NRROS: variants seen among roughly 807,000 people sequenced by gnomAD.
NRROS encodes the protein transforming growth factor beta activator LRRC33.
A neutral mutation model predicts 12.0 loss-of-function variants in NRROS; 6 were observed. The ratio of observed to expected loss-of-function variants is 0.50; its 90% CI spans 0.27 to 0.98. NRROS has a LOEUF of 0.98. Among genes scored for constraint, NRROS ranks in the 50% least tolerant of loss-of-function variants. The pLI is 0.11. For missense variants in NRROS, 857 were observed against 888.2 expected (o/e 0.96, Z 0.45); for synonymous variants, 462 against 410.2 (o/e 1.13, Z -1.53).
At chr3:196,658,837 G>A (rs1560055668) in intron 2 of NRROS, among the ~76,000 whole-genome samples, 2 of 152,110 alleles carry the variant, frequency 1.3e-5, no homozygotes, top group African/African-American at 4.8e-5. Context: ...GGGCGTGGTG[G>A]CATGTGCCTG....
chr3:196,644,769 CAAAAAAAAAAAA>C (rs57304721), intron 1 of NRROS, among the ~76,000 whole-genome samples: 1 of 109,210 alleles, frequency 9.2e-6, no homozygotes, highest in Non-Finnish European at 1.8e-5. Context: ...GAGACTCTGT[CAAAAAAAAAAAA>C]AAAAAAAAAA....
intron 1 of NRROS, among the ~76,000 whole-genome samples, chr3:196,646,575 A>T (rs191635461): frequency 4.6e-5 from 7 of 152,342 alleles, no homozygotes; most frequent in Admixed American, 4.6e-4. Flanking sequence ...GACGCTGACC[A>T]CGTAGGGAAG....
At chr3:196,649,220 TG>T (rs1446906900) in intron 1 of NRROS, among the ~76,000 whole-genome samples, 2 of 152,200 alleles carry the variant, frequency 1.3e-5, no homozygotes, top group Non-Finnish European at 1.5e-5. Flanking sequence ...GGTCACAGAC[TG>T]GGGGTTGGTT....
At chr3:196,649,085 G>C (rs947949225) in intron 1 of NRROS, among the ~76,000 whole-genome samples, 1 of 152,152 alleles carries the variant, frequency 6.6e-6, no homozygotes, top group Admixed American at 6.5e-5. Flanking sequence ...TCTCACCACG[G>C]GGGTGTTGAG....
intron 1 of NRROS, among the ~76,000 whole-genome samples, chr3:196,649,011 G>A (rs551769993): frequency 9.2e-5 from 14 of 152,212 alleles, no homozygotes; most frequent in Admixed American, 5.9e-4. Flanking sequence ...TCTGGCAGGC[G>A]TTCCACCAGG....
At position 196,654,265 on chromosome 3, in the gene NRROS, C is replaced by G. The variant is rs1737489374; in HGVS notation, c.-13-262C>G. On this transcript the variant is annotated intron_variant, in intron 1 of 2. Coordinates refer to ENST00000328557, the MANE Select transcript of NRROS (RefSeq NM_198565.3). This position sits in a 1 kb window ranked among gnomAD's most constrained non-coding sequence, Gnocchi z 4.4. ...TTTTGCTTCTCCCTTCTGTGCTGGA[C>G]TCGCTGAAGTTTAGTGTTCAGCCAC... 6.6e-6 allele frequency among the ~76,000 whole-genome samples: 1 copy of G among 152,186 alleles called. No homozygotes were observed. Among genetic ancestry groups the G allele is most frequent in the Non-Finnish European group, 1.5e-5 (1 of 68,034 alleles).
In NRROS at chr3:196,661,027, G is replaced by A. The variant is rs745536616; in HGVS notation, c.1384G>A (p.Ala462Thr). 6.2e-7 allele frequency: 1 copy of A among 1,614,126 alleles called. No individual in the cohort carries two copies. Among genetic ancestry groups the A allele is most frequent in the South Asian group, 1.1e-5 (1 of 91,082 alleles). The change falls in exon 3 of 3, where the codon GCA (alanine) becomes ACA (threonine). Residue 462 changes from alanine to threonine, a missense_variant. By Grantham distance (58) the Ala-to-Thr change is moderately conservative. Coordinates refer to ENST00000328557, the MANE Select transcript of NRROS (RefSeq NM_198565.3). ...PPSCVDFRNM[A>T]SLRSLSLEGC... ...TAGCTGTGTGGATTTCAGGAATATG[G>A]CATCTTTAAGGAGCCTGTCTCTGGA... is the stretch of plus-strand genomic sequence containing the variant.
chr3:196,652,046 G>A (rs1737439264), intron 1 of NRROS, among the ~76,000 whole-genome samples: 1 of 152,218 alleles, frequency 6.6e-6, no homozygotes, highest in Admixed American at 6.5e-5. Flanking sequence ...GCCACACTGA[G>A]GAGGGCAGGG....
In NRROS at chr3:196,661,116, C is replaced by A. The variant is rs1464339944; in HGVS notation, c.1473C>A (p.Asp491Glu). ...PFQGTSLTYLDLSSNWGVLNG... is the reference protein window; with the variant it reads ...PFQGTSLTYLELSSNWGVLNG... ...AAGGGACCTCCCTGACCTACTTAGA[C>A]CTCTCAAGCAACTGGGGGGTTCTGA... Residue 491 changes from aspartate to glutamate, a missense_variant, in exon 3 of 3, where the codon GAC (aspartate) becomes GAA (glutamate). By Grantham distance (45) the Asp-to-Glu change is conservative. Coordinates refer to ENST00000328557, the MANE Select transcript of NRROS (RefSeq NM_198565.3). 6.2e-7 allele frequency: 1 copy of A among 1,613,718 alleles called. No individual in the cohort carries two copies. The highest frequency in any genetic ancestry group is 8.5e-7 in the Non-Finnish European group (1 of 1,179,796).
intron 1 of NRROS, among the ~76,000 whole-genome samples, chr3:196,648,178 C>T (rs73084937): frequency 0.016 from 2,427 of 152,258 alleles, 58 homozygotes; most frequent in African/African-American, 0.056. Context: ...TACTTTAAAA[C>T]TTACAGAAAA....
rs368792994 is a variant in NRROS, at chr3:196,654,869, C to T, written c.108+222C>T. ...GGCAGTCCCTGCCCCGCCGTTCTCA[C>T]GCCTGCTGAGGATAGGAGGCATCCG... On this transcript the variant is annotated intron_variant, in intron 2 of 2. Transcript: ENST00000328557. This position sits in a 1 kb window ranked among gnomAD's most constrained non-coding sequence, Gnocchi z 4.4. 2.0e-4 allele frequency: 107 copies of T among 528,680 alleles called. No individual in the cohort carries two copies. Among genetic ancestry groups the T allele is most frequent in the South Asian group, 1.6e-3 (69 of 42,476 alleles). The allele number at this position is 528,680 out of a possible 1,614,324, so 32.7% of individuals were successfully genotyped here.
chr3:196,660,380 G>C lies in NRROS; in HGVS notation c.737G>C (p.Gly246Ala), dbSNP rs947349147. The change falls in exon 3 of 3, where the codon GGA (glycine) becomes GCA (alanine). Residue 246 changes from glycine (G) to alanine (A), a missense_variant. Transcript: ENST00000328557. The surrounding 1 kb of genome is among the most constrained non-coding windows in gnomAD (Gnocchi z 7.7). Reference sequence around the variant, plus strand: ...CTGGAGTGGTTCCTCGCGACCGGGGGAGAGGCTGCCTTCGAGCTGGAGACG... The same window carrying C: ...CTGGAGTGGTTCCTCGCGACCGGGGCAGAGGCTGCCTTCGAGCTGGAGACG... ...NVLEWFLATGGEAAFELETLD... is the reference protein window; with the variant it reads ...NVLEWFLATGAEAAFELETLD... The C allele has an allele frequency of 1.9e-6, 3 of 1,613,944 alleles. No individual in the cohort carries two copies. Among genetic ancestry groups the C allele is most frequent in the Non-Finnish European group, 2.5e-6 (3 of 1,179,996 alleles).
At position 196,659,935 on chromosome 3, in the gene NRROS, C is replaced by T. The variant is rs1405858256; in HGVS notation, c.292C>T (p.Arg98Cys). 8.7e-6 allele frequency: 14 copies of T among 1,613,948 alleles called. No individual in the cohort carries two copies. The highest frequency in any genetic ancestry group is 1.0e-5 in the Non-Finnish European group (12 of 1,180,008). The change falls in exon 3 of 3, where the codon CGC (arginine) becomes TGC (cysteine). Residue 98 changes from arginine to cysteine, a missense_variant. Transcript: ENST00000328557. The stretch of plus-strand genomic sequence containing the variant: ...CAGCTGCCACCTGGAGCGCATCAGC[C>T]GCGGCGCCTTCCAGGAGCAAGGTCA... ...LHSCHLERIS[R>C]GAFQEQGHLR... is the part of the protein sequence containing the mutation.
chr3:196,642,496 A>G (rs1221735511), intron 1 of NRROS, among the ~76,000 whole-genome samples: 2 of 152,198 alleles, frequency 1.3e-5, no homozygotes, highest in East Asian at 3.9e-4. Flanking sequence ...CTCCAACTAT[A>G]TTCCTACTGG....
At chr3:196,650,745 A>G (rs771422549) in intron 1 of NRROS, among the ~76,000 whole-genome samples, 4 of 152,260 alleles carry the variant, frequency 2.6e-5, no homozygotes, top group Admixed American at 6.5e-5. Flanking sequence ...CTGGAGGCAG[A>G]AAACCACGTT....
At chr3:196,655,140 T>C (rs7625234) in intron 2 of NRROS, 66,596 of 156,846 alleles carry the variant, frequency 0.42, 14,467 homozygotes, top group East Asian at 0.66. Flanking sequence ...GAGGCTGAGA[T>C]GTGAGGGTGG....
intron 1 of NRROS, among the ~76,000 whole-genome samples, chr3:196,651,185 G>A (rs1038992284): frequency 6.6e-6 from 1 of 152,172 alleles, no homozygotes; most frequent in African/African-American, 2.4e-5. Flanking sequence ...CACACTCTAC[G>A]AAGAGTGTTT....
At chr3:196,653,594 C>T (rs1560054140) in intron 1 of NRROS, among the ~76,000 whole-genome samples, 1 of 152,234 alleles carries the variant, frequency 6.6e-6, no homozygotes, top group South Asian at 2.1e-4. Flanking sequence ...GTCAGGTCCC[C>T]AGCAGGGCAG....
At chr3:196,659,580 A>G (rs901958152) in intron 2 of NRROS, among the ~76,000 whole-genome samples, 172 bp from the exon 3 acceptor site, 4 of 152,080 alleles carry the variant, frequency 2.6e-5, no homozygotes, top group African/African-American at 9.7e-5. Context: ...AAGTGCTGGG[A>G]TTACAGGCAT....
Sources: gnomAD v4.1 joint callset for allele counts (sites outside exome capture counted in the v4.1 genomes callset) on GRCh38, gnomAD v4.1.1 for gene constraint, Gnocchi (gnomAD v3.1) non-coding constraint, MANE v1.5 for transcripts, NCBI Gene and HGNC (gene_info 2026-07-23, HGNC 2026-07-21) for gene names.